The following BANK1 variants were observed in gnomAD, a reference collection of about 807,000 sequenced individuals.
BANK1 encodes B-cell scaffold protein with ankyrin repeats.
Under a neutral mutation model 94.5 loss-of-function variants are expected in BANK1, and 95 were observed. That is an observed-to-expected ratio of 1.00 (90% confidence interval 0.85 to 1.19). BANK1 has a LOEUF of 1.19. BANK1 is among the 50% of genes most tolerant of loss of function. The pLI, the probability that BANK1 is intolerant of heterozygous loss-of-function variation, is 0.00. For synonymous variants in BANK1, 334 were observed against 308.4 expected (o/e 1.08, Z -0.87); for missense variants, 987 against 932.2 (o/e 1.06, Z -0.77).
At chr4:101,966,359 G>C (rs1336614702) in intron 7 of BANK1, among the ~76,000 whole-genome samples, 3 of 152,076 alleles carry the variant, frequency 2.0e-5, no homozygotes, top group Middle Eastern at 3.4e-3. Flanking sequence ...CAAGGCATTG[G>C]TTTGTTATCT....
chr4:101,796,138 G>A (rs1455971615), intron 1 of BANK1, among the ~76,000 whole-genome samples: 3 of 152,166 alleles, frequency 2.0e-5, no homozygotes, highest in Non-Finnish European at 4.4e-5. Context: ...TGTTTAAGAT[G>A]CATAAGTAGA....
At chr4:102,034,143 G>C (rs1727418604) in intron 10 of BANK1, among the ~76,000 whole-genome samples, 2 of 152,040 alleles carry the variant, frequency 1.3e-5, no homozygotes, top group Admixed American at 6.6e-5. Context: ...GCTTGCCAGA[G>C]CCCAAAAATG....
At chr4:102,030,298 T>A in intron 10 of BANK1, 33 bp downstream of exon 10, 1 of 1,507,196 alleles carries the variant, frequency 6.6e-7, no homozygotes, top group Non-Finnish European at 8.9e-7. Flanking sequence ...TACTTGTTAA[T>A]TTTTTTTGTC....
intron 7 of BANK1, among the ~76,000 whole-genome samples, chr4:101,927,178 A>G (rs1723186018): frequency 1.3e-5 from 2 of 151,718 alleles, no homozygotes; most frequent in Non-Finnish European, 3.0e-5. Context: ...ATCATGGCGG[A>G]AGGGGAAGCA....
chr4:101,954,111 C>T (rs188036567), intron 7 of BANK1, among the ~76,000 whole-genome samples: 2 of 152,192 alleles, frequency 1.3e-5, no homozygotes, highest in African/African-American at 4.8e-5. Flanking sequence ...TGCATTGCCT[C>T]GGTCTTCACA....
chr4:101,933,524 T>C (rs139149906), intron 7 of BANK1, among the ~76,000 whole-genome samples: 58 of 151,682 alleles, frequency 3.8e-4, no homozygotes, highest in African/African-American at 1.4e-3. Flanking sequence ...ACTATTGTGT[T>C]GCAGTCTCTT....
intron 11 of BANK1, among the ~76,000 whole-genome samples, chr4:102,046,243 T>C (rs1234101062): frequency 2.0e-5 from 3 of 152,036 alleles, no homozygotes; most frequent in African/African-American, 7.2e-5. Context: ...CAGCCATATG[T>C]AGAAAGCTGA....
chr4:101,918,436 T>C (rs1314620352), intron 7 of BANK1, among the ~76,000 whole-genome samples: 1 of 151,986 alleles, frequency 6.6e-6, no homozygotes, highest in Non-Finnish European at 1.5e-5. Flanking sequence ...TGATTCCTTC[T>C]CCTTCTCCCT....
chr4:101,934,729 A>G (rs567988074), intron 7 of BANK1, among the ~76,000 whole-genome samples: 2 of 151,686 alleles, frequency 1.3e-5, no homozygotes, highest in South Asian at 4.2e-4. Context: ...TAAATGGACA[A>G]TTCCCTAGGG....
chr4:101,791,419 C>CT (rs1248787548), intron 1 of BANK1, among the ~76,000 whole-genome samples: 1 of 152,210 alleles, frequency 6.6e-6, no homozygotes, highest in African/African-American at 2.4e-5. Context: ...GGTAGCCCTG[C>CT]TTCTTGGCAG....
intron 7 of BANK1, among the ~76,000 whole-genome samples, chr4:101,927,973 A>G (rs1723218743): frequency 6.6e-6 from 1 of 151,668 alleles, no homozygotes; most frequent in Non-Finnish European, 1.5e-5. Context: ...GAGGTAGTGG[A>G]CAGCCACATT....
intron 2 of BANK1, among the ~76,000 whole-genome samples, chr4:101,847,286 C>T (rs1727285353): frequency 2.0e-5 from 3 of 151,874 alleles, no homozygotes; most frequent in Admixed American, 2.0e-4. Context: ...AGTACTGGCA[C>T]ATAGTCAATG....
At chr4:102,041,237 A>G (rs1283018409) in intron 10 of BANK1, among the ~76,000 whole-genome samples, 1 of 152,072 alleles carries the variant, frequency 6.6e-6, no homozygotes, top group Non-Finnish European at 1.5e-5. Flanking sequence ...TGCTAGTTGA[A>G]GCAATTTTAA....
chr4:101,861,440 G>T (rs1052551964), intron 3 of BANK1, among the ~76,000 whole-genome samples: 1 of 152,064 alleles, frequency 6.6e-6, no homozygotes, highest in Non-Finnish European at 1.5e-5. Context: ...GTATGGAATT[G>T]AAACTTATTA....
intron 6 of BANK1, among the ~76,000 whole-genome samples, chr4:101,913,580 G>A (rs1722737010): frequency 2.0e-5 from 3 of 151,966 alleles, no homozygotes; most frequent in South Asian, 2.1e-4. Flanking sequence ...TCTCTCTGGC[G>A]ATCCCTAGCC....
At chr4:101,898,006 G>A (rs977181880) in intron 6 of BANK1, among the ~76,000 whole-genome samples, 1 of 151,568 alleles carries the variant, frequency 6.6e-6, no homozygotes, top group South Asian at 2.1e-4. Flanking sequence ...AGCTAAAAAT[G>A]AAAAGTTTAC....
At chr4:102,041,686 C>G (rs1008515786) in intron 10 of BANK1, among the ~76,000 whole-genome samples, 1 of 151,950 alleles carries the variant, frequency 6.6e-6, no homozygotes, top group Non-Finnish European at 1.5e-5. Flanking sequence ...TCACAATTAC[C>G]CCACTCATAG....
chr4:101,950,058 T>C (rs61507203), intron 7 of BANK1, among the ~76,000 whole-genome samples: 56,717 of 136,918 alleles, frequency 0.41, 11,499 homozygotes, highest in South Asian at 0.53. Flanking sequence ...TGTGTGTGTG[T>C]GTGCGCGTGC....
At chr4:101,810,293 G>T (rs1234056440) in intron 1 of BANK1, among the ~76,000 whole-genome samples, 2 of 152,188 alleles carry the variant, frequency 1.3e-5, no homozygotes, top group Non-Finnish European at 2.9e-5. Context: ...TAAGATAATA[G>T]CTTGTGTTGC....
Sources: allele counts gnomAD v4.1 joint callset (sites outside exome capture counted in the v4.1 genomes callset), GRCh38; gene constraint gnomAD v4.1.1; transcripts MANE v1.5; gene names NCBI Gene and HGNC (gene_info 2026-07-23, HGNC 2026-07-21).